Variants in HPN observed in about 807,000 individuals in gnomAD.
The protein encoded by HPN is serine protease hepsin.
In HPN, 13 loss-of-function variants were observed where a neutral mutation model predicts 55.9. That is an observed-to-expected ratio of 0.23 (90% CI 0.15 to 0.37). The LOEUF (loss-of-function observed/expected upper bound fraction) is 0.37, where lower values mean the gene tolerates loss of function less well. Among genes scored for constraint, HPN ranks in the 10% least tolerant of loss-of-function variants. The probability of loss-of-function intolerance (pLI) is 1.00; values close to 1 mark genes in which losing one functional copy is unlikely to be tolerated. For synonymous variants in HPN, 225 were observed against 240.3 expected (o/e 0.94, Z 0.59); for missense variants, 451 against 575.8 (o/e 0.78, Z 2.22).
At chr19:35,056,595 C>A (rs1214616963) in intron 4 of HPN, among the ~76,000 whole-genome samples, 2 of 152,208 alleles carry the variant, frequency 1.3e-5, no homozygotes, top group Non-Finnish European at 2.9e-5. Context: ...GGAGCTCCCT[C>A]TAGCCTTCTC....
chr19:35,051,684 T>TAA (rs35713084), intron 4 of HPN, among the ~76,000 whole-genome samples: 1 of 144,442 alleles, frequency 6.9e-6, no homozygotes, highest in Non-Finnish European at 1.5e-5. Flanking sequence ...GATTGCTTGT[T>TAA]AAAAAAAAAA....
chr19:35,042,091 C>A, intron 1 of HPN: 1 of 1,120,786 alleles, frequency 8.9e-7, no homozygotes, highest in Non-Finnish European at 1.1e-6. Context: ...CCCAGGAGTT[C>A]CAGCCCTCAG....
At chr19:35,054,429 A>AC (rs1294695716) in intron 4 of HPN, among the ~76,000 whole-genome samples, 3 of 151,910 alleles carry the variant, frequency 2.0e-5, no homozygotes, top group Non-Finnish European at 4.4e-5. Flanking sequence ...AAAAAAAAAA[A>AC]AAAAACCGAA....
chr19:35,045,512 A>G lies in HPN; in HGVS notation c.16+2990A>G, dbSNP rs564424610. Reference sequence around the variant, plus strand: ...ATGGTGGAGGCGGAAGAACTGACCTATGAGAAGACCCAAGGCATCCAGAGG... The same window carrying G: ...ATGGTGGAGGCGGAAGAACTGACCTGTGAGAAGACCCAAGGCATCCAGAGG... On this transcript the variant is annotated intron_variant, in intron 2 of 12. Transcript: ENST00000672452. 2.0e-5 allele frequency among the ~76,000 whole-genome samples: 3 copies of G among 152,224 alleles called. No individual in the cohort carries two copies. In the East Asian group the frequency reaches 5.8e-4, roughly 29 times the overall value.
Position 35,060,363 on chromosome 19 carries a change from G to A in HPN, c.471G>A (p.Lys157=), listed in dbSNP as rs1199693498. 4 of 1,611,896 alleles carry A rather than the reference G, an allele frequency of 2.5e-6. No individual in the cohort carries two copies. Among genetic ancestry groups the A allele is most frequent in the South Asian group, 1.1e-5 (1 of 91,082 alleles). Residue 157 remains lysine, a synonymous_variant, in exon 8 of 13, where the codon AAG becomes AAA. Coordinates refer to ENST00000672452, the MANE Select transcript of HPN (RefSeq NM_001384133.1). The part of the protein sequence containing the change: ...AAICQDCGRR[K]LPVDRIVGGR... ...GTCCCACAGACTGTGGCCGCAGGAA[G>A]CTGCCCGTGGACCGCATCGTGGGAG...
intron 8 of HPN, 25 bp downstream of exon 8, chr19:35,060,537 T>A: frequency 6.2e-7 from 1 of 1,611,838 alleles, no homozygotes; most frequent in Non-Finnish European, 8.5e-7. Flanking sequence ...ATGGCGCTGA[T>A]GATGGGGAGG....
At position 35,060,519 on chromosome 19, in the gene HPN, G is replaced by GC. The variant is rs762531026; in HGVS notation, c.620+13dup. 6.2e-7 allele frequency: 1 copy of GC among 1,612,270 alleles called. No homozygotes were observed. On this transcript the variant is annotated splice_region_variant and intron_variant, in intron 8 of 12. Transcript: ENST00000672452. ...CCGCCCACTGCTTCCCGGAGTGAGTGCCCCCCAATGGCGCTGATGATGGGG... is the reference window on the plus strand; with the variant it reads ...CCGCCCACTGCTTCCCGGAGTGAGTGCCCCCCCAATGGCGCTGATGATGGGG...
At chr19:35,041,344 G>T (rs1220723684), upstream of HPN, among the ~76,000 whole-genome samples, 1 of 152,116 alleles carries the variant, frequency 6.6e-6, no homozygotes, top group African/African-American at 2.4e-5. Context: ...GGTGCAGCAA[G>T]TGGCGGGCAC....
chr19:35,065,721 C>T, intron 11 of HPN, 40 bp downstream of exon 11: 1 of 1,612,022 alleles, frequency 6.2e-7, no homozygotes, highest in South Asian at 1.1e-5. Flanking sequence ...GTCGCTGCCA[C>T]CCCAGGGATG....
chr19:35,063,444 C>T (rs2151768774), intron 9 of HPN, among the ~76,000 whole-genome samples: 1 of 152,358 alleles, frequency 6.6e-6, no homozygotes, highest in East Asian at 1.9e-4. Context: ...CATGGTGGCT[C>T]ACGCCTGTAA....
intron 4 of HPN, among the ~76,000 whole-genome samples, chr19:35,057,074 C>T (rs1459957586): frequency 1.3e-5 from 2 of 152,178 alleles, no homozygotes; most frequent in African/African-American, 4.8e-5. Flanking sequence ...TACTAACTCA[C>T]TTAACCGACA....
intron 9 of HPN, among the ~76,000 whole-genome samples, chr19:35,063,005 T>C (rs1220140531): frequency 6.6e-6 from 1 of 152,196 alleles, no homozygotes. Context: ...TAAAAGGGAA[T>C]AAGGGAGTAC....
At position 35,065,519 on chromosome 19, in the gene HPN, C is replaced by T. The variant is rs1327479349; in HGVS notation, c.908-20C>T. On this transcript the variant is annotated intron_variant, in intron 10 of 12. Transcript: ENST00000672452. ...GTGTACACCCCCCAGCTCTGGCCAG[C>T]CTTGCCTGCACACCCCCAGGCCAAC... is the stretch of plus-strand genomic sequence containing the variant. The T allele has an allele frequency of 1.9e-6, 3 of 1,612,964 alleles. No individual in the cohort carries two copies. Among genetic ancestry groups the T allele is most frequent in the South Asian group, 1.1e-5 (1 of 91,012 alleles).
At chr19:35,051,335 C>G (rs1600384265) in intron 4 of HPN, among the ~76,000 whole-genome samples, 1 of 152,156 alleles carries the variant, frequency 6.6e-6, no homozygotes, top group African/African-American at 2.4e-5. Flanking sequence ...TCTCAAACTC[C>G]TGACCTCAGG....
upstream of HPN, among the ~76,000 whole-genome samples, chr19:35,040,802 C>T (rs997661820): frequency 6.6e-6 from 1 of 152,164 alleles, no homozygotes; most frequent in Non-Finnish European, 1.5e-5. Context: ...CAGGCTAAAC[C>T]AGCGTGTCCC....
chr19:35,059,562 C>G, intron 4 of HPN, 111 bp from the exon 5 acceptor site: 1 of 1,376,536 alleles, frequency 7.3e-7, no homozygotes, highest in Non-Finnish European at 1.0e-6. Context: ...GGCTGGGGTT[C>G]ACGTCTACAC....
At chr19:35,042,923 G>A (rs2064308405) in intron 2 of HPN, among the ~76,000 whole-genome samples, 1 of 152,150 alleles carries the variant, frequency 6.6e-6, no homozygotes, top group South Asian at 2.1e-4. Context: ...GTGTGATCTG[G>A]TGCAAGTGAC....
At chr19:35,041,717 CTCAGGTGAGGCAG>C in exon 1 of HPN, 1 of 1,197,892 alleles carries the variant, frequency 8.3e-7, no homozygotes, top group Non-Finnish European at 1.1e-6. Flanking sequence ...CCCCCTCCTC[CTCAGGTGAGGCAG>C]CCTGGCCTAG....
upstream of HPN, chr19:35,041,682 G>GC: frequency 5.1e-5 from 15 of 295,194 alleles, no homozygotes; most frequent in South Asian, 2.8e-4. Flanking sequence ...GCCCCTCCCC[G>GC]CCCCTTCACC....
Sources: allele counts gnomAD v4.1 joint callset (sites outside exome capture counted in the v4.1 genomes callset), GRCh38; gene constraint gnomAD v4.1.1; transcripts MANE v1.5; gene names NCBI Gene and HGNC (gene_info 2026-07-23, HGNC 2026-07-21).